ZNF549: variants seen among roughly 807,000 people sequenced by gnomAD.
ZNF549 encodes zinc finger protein 549.
ZNF549 carries 11 observed loss-of-function variants against 11.1 expected under a neutral mutation model. The observed-to-expected ratio is 0.99, with a 90% CI of 0.62 to 1.64. The LOEUF (loss-of-function observed/expected upper bound fraction) is 1.64, where lower values mean the gene tolerates loss of function less well. Ranked by LOEUF, ZNF549 falls within the 40% of genes most tolerant of loss-of-function variation. The probability of loss-of-function intolerance (pLI) is 0.00; values close to 1 mark genes in which losing one functional copy is unlikely to be tolerated. For synonymous variants in ZNF549, 266 were observed against 269.1 expected, an observed-to-expected ratio of 0.99 and a Z score of 0.11; for missense variants, 748 against 765.1, an observed-to-expected ratio of 0.98 and a Z score of 0.26.
In ZNF549 at chr19:57,537,700, TC is replaced by T; in HGVS notation, c.697del (p.His233MetfsTer24). On this transcript the variant is annotated frameshift_variant, in exon 4 of 4. Coordinates refer to ENST00000376233, the MANE Select transcript of ZNF549 (RefSeq NM_001199295.2). LOFTEE classifies it low-confidence loss of function (END_TRUNC). Reference sequence around the variant, plus strand: ...GTGAGCAAGTTTTCAATGAGAAAGTTCATGTTACTGAGCATCAGAGAGTCCA... The same window carrying T: ...GTGAGCAAGTTTTCAATGAGAAAGTTATGTTACTGAGCATCAGAGAGTCCA... ...KCEQVFNEKV[H>X]VTEHQRVHTG... 2 of 1,614,180 alleles carry T rather than the reference TC, an allele frequency of 1.2e-6. No individual in the cohort carries two copies. The highest frequency in any genetic ancestry group is 1.7e-6 in the Non-Finnish European group (2 of 1,180,028).
At chr19:57,532,318 CATA>C (rs1269927291) in intron 2 of ZNF549, among the ~76,000 whole-genome samples, 1 of 152,128 alleles carries the variant, frequency 6.6e-6, no homozygotes, top group Non-Finnish European at 1.5e-5. Flanking sequence ...CTCTGAGAAG[CATA>C]AAGGATTTAT....
chr19:57,527,684 C>A, intron 1 of ZNF549, 78 bp downstream of exon 1: 1 of 1,538,812 alleles, frequency 6.5e-7, no homozygotes, highest in South Asian at 1.2e-5. Flanking sequence ...CTCTGCAGTT[C>A]AGGCCTCTTC....
chr19:57,531,068 A>G lies in ZNF549; in HGVS notation c.34-2A>G, dbSNP rs752589310. The G allele has an allele frequency of 3.8e-6, 6 of 1,598,260 alleles. No individual in the cohort carries two copies. The African/African-American group carries it at 8.0e-5, about 21-fold the overall frequency. ...TATTTCATAGCCTCCCTCTTCCTAC[A>G]GATTCCCATGGTAACAGAAGAGTTT... On this transcript the variant is annotated splice_acceptor_variant, in intron 1 of 3. Transcript: ENST00000376233. LOFTEE classifies it high-confidence loss of function.
intron 1 of ZNF549, among the ~76,000 whole-genome samples, chr19:57,529,170 G>T (rs1315585414): frequency 2.0e-5 from 3 of 152,186 alleles, no homozygotes; most frequent in Non-Finnish European, 4.4e-5. Flanking sequence ...TGCTGTACAG[G>T]TTTGTAGCCT....
intron 1 of ZNF549, among the ~76,000 whole-genome samples, chr19:57,528,164 A>G (rs1484932666): frequency 2.0e-5 from 3 of 152,122 alleles, no homozygotes; most frequent in African/African-American, 7.2e-5. Context: ...TAGATCTTAA[A>G]GGTAAAGCCA....
chr19:57,537,403 G>A lies in ZNF549; in HGVS notation c.399G>A (p.Thr133=), dbSNP rs201724142. ...CACTTCCCTGGCAGAAACCTTATAC[G>A]TCTGTGGCCAGTGGGAAATGGTTTT... is the stretch of plus-strand genomic sequence containing the variant. ...QGTLPWQKPY[T]SVASGKWFSF... The change falls in exon 4 of 4, where the codon ACG becomes ACA. Residue 133 remains threonine, a synonymous_variant. Transcript: ENST00000376233. 3.7e-5 allele frequency: 59 copies of A among 1,614,182 alleles called. No homozygotes were observed. In the Middle Eastern group the frequency reaches 4.9e-4, roughly 14 times the overall value.
At chr19:57,533,878 G>A (rs1285176180) in intron 2 of ZNF549, among the ~76,000 whole-genome samples, 1 of 152,112 alleles carries the variant, frequency 6.6e-6, no homozygotes. Context: ...TTGCTATTGT[G>A]ATAGAGTGGC....
rs928734827 is a variant in ZNF549, at chr19:57,533,097, G to A, written c.72+1989G>A. ...TGACCTCAGGTGATCCACCCGCCTT[G>A]GCCTCCCAAAGTGCCTGTGATGTTT... On this transcript the variant is annotated intron_variant, in intron 2 of 3. Transcript: ENST00000376233. 3.9e-5 allele frequency among the ~76,000 whole-genome samples: 6 copies of A among 152,152 alleles called. No homozygotes were observed. The East Asian group carries it at 1.2e-3, about 29-fold the overall frequency.
In ZNF549 at chr19:57,538,829, G is replaced by T. The variant is rs752101123; in HGVS notation, c.1825G>T (p.Gly609Ter). 1 of 1,614,016 alleles carries T rather than the reference G, an allele frequency of 6.2e-7. No individual in the cohort carries two copies. Among genetic ancestry groups the T allele is most frequent in the African/African-American group, 1.3e-5 (1 of 75,026 alleles). The change falls in exon 4 of 4, where the codon GGA becomes TGA. Residue 609 changes from glycine (G) to a stop codon, truncating the protein, a stop_gained. Transcript: ENST00000376233. LOFTEE classifies it low-confidence loss of function (END_TRUNC). ...KLVEHQRIHTGEKPYECGKCG... is the reference protein window; with the variant it reads ...KLVEHQRIHT ...TGTTGAGCATCAGCGAATCCACACC[G>T]GAGAAAAGCCGTATGAATGTGGTAA... is the stretch of plus-strand genomic sequence containing the variant.
chr19:57,535,237 A>G lies in ZNF549; in HGVS notation c.166A>G (p.Met56Val). Residue 56 changes from methionine (M) to valine (V), a missense_variant, in exon 3 of 4, where the codon ATG (methionine) becomes GTG (valine). Transcript: ENST00000376233. Reference sequence around the variant, plus strand: ...TCAAAGGTGCCTGTATCATGATGTGATGCTGGAGAACTTTTCGCTTATGGC... The same window carrying G: ...TCAAAGGTGCCTGTATCATGATGTGGTGCTGGAGAACTTTTCGCTTATGGC... ...EAQRCLYHDV[M>V]LENFSLMASV... The G allele has an allele frequency of 6.2e-7, 1 of 1,613,872 alleles. No homozygotes were observed. The highest frequency in any genetic ancestry group is 8.5e-7 in the Non-Finnish European group (1 of 1,179,842).
intron 1 of ZNF549, among the ~76,000 whole-genome samples, chr19:57,529,219 A>T (rs556104732): frequency 1.3e-5 from 2 of 152,224 alleles, no homozygotes; most frequent in Non-Finnish European, 2.9e-5. Context: ...TTGAACAATG[A>T]ATGTCTGAAC....
At chr19:57,535,451 C>T (rs1351117417) in intron 3 of ZNF549, 181 bp downstream of exon 3, 1 of 796,854 alleles carries the variant, frequency 1.3e-6, no homozygotes, top group Non-Finnish European at 1.9e-6. Flanking sequence ...CCAACATCTA[C>T]TGTCCTGAAG....
rs753421481 is a variant in ZNF549 at position 57,538,130 on chromosome 19, C to T, written c.1126C>T (p.Arg376Cys). 4.9e-5 allele frequency: 79 copies of T among 1,613,918 alleles called. No individual in the cohort carries two copies. Among genetic ancestry groups the T allele is most frequent in the Middle Eastern group, 1.6e-4 (1 of 6,082 alleles). ...GAAATCTTTTATTCATTCCTATGAC[C>T]GCATTCGACACCAGAGAGTTCACAC... ...CGKSFIHSYDRIRHQRVHTGE... is the reference protein window; with the variant it reads ...CGKSFIHSYDCIRHQRVHTGE... Residue 376 changes from arginine (R) to cysteine (C), a missense_variant, in exon 4 of 4, where the codon CGC (arginine) becomes TGC (cysteine). By Grantham distance (180) the Arg-to-Cys change is radical. Transcript: ENST00000376233.
Position 57,537,622 on chromosome 19 carries a change from A to G in ZNF549, c.618A>G (p.Arg206=). The G allele has an allele frequency of 6.2e-7, 1 of 1,614,256 alleles. No individual in the cohort carries two copies. Among genetic ancestry groups the G allele is most frequent in the Non-Finnish European group, 8.5e-7 (1 of 1,180,044 alleles). Residue 206 remains arginine, a synonymous_variant, in exon 4 of 4, where the codon AGA becomes AGG. Coordinates refer to ENST00000376233, the MANE Select transcript of ZNF549 (RefSeq NM_001199295.2). ...TCCAACACCAGACCACCCACAGCAG[A>G]CAAGAGTATGCACATAGAAGCAGGG... ...GLLQHQTTHS[R]QEYAHRSRET...
chr19:57,535,362 T>C, intron 3 of ZNF549, 92 bp downstream of exon 3: 2 of 1,494,978 alleles, frequency 1.3e-6, no homozygotes, highest in South Asian at 1.4e-5. Flanking sequence ...GAGTTGGACA[T>C]GGGCCCTTCT....
At position 57,527,581 on chromosome 19, in the gene ZNF549, A is replaced by T; in HGVS notation, c.8A>T (p.Glu3Val). 6.2e-7 allele frequency: 1 copy of T among 1,613,740 alleles called. No homozygotes were observed. ...CGCCCCGCCTAAAGTCCCATGGCCGAGGCAGCGCTAGTGATTACGCCGCAG... is the reference window on the plus strand; with the variant it reads ...CGCCCCGCCTAAAGTCCCATGGCCGTGGCAGCGCTAGTGATTACGCCGCAG... MA[E>V]AALVITPQIP... The change falls in exon 1 of 4, where the codon GAG (glutamate) becomes GTG (valine). Residue 3 changes from glutamate to valine, a missense_variant. By Grantham distance (121) the Glu-to-Val change is moderately radical (BLOSUM62 -2). Transcript: ENST00000376233.
chr19:57,537,422 T>G lies in ZNF549; in HGVS notation c.418T>G (p.Trp140Gly), dbSNP rs916078523. 2 of 1,614,172 alleles carry G rather than the reference T, an allele frequency of 1.2e-6. No homozygotes were observed. The highest frequency in any genetic ancestry group is 3.3e-5 in the Admixed American group (2 of 60,012). The stretch of plus-strand genomic sequence containing the variant: ...TTATACGTCTGTGGCCAGTGGGAAA[T>G]GGTTTTCATTTGGTTCTAACCTGCA... ...KPYTSVASGK[W>G]FSFGSNLQQH... is the part of the protein sequence containing the mutation. Residue 140 changes from tryptophan to glycine, a missense_variant, in exon 4 of 4, where the codon TGG becomes GGG. Trp to Gly is a radical substitution (Grantham distance 184). Coordinates refer to ENST00000376233, the MANE Select transcript of ZNF549 (RefSeq NM_001199295.2).
chr19:57,531,664 A>C (rs1241999464), intron 2 of ZNF549, among the ~76,000 whole-genome samples: 1 of 152,238 alleles, frequency 6.6e-6, no homozygotes, highest in African/African-American at 2.4e-5. Context: ...TTACTTGAAC[A>C]CAAGCACTGT....
rs796218690 is a variant in ZNF549, at chr19:57,531,066, A to G, written c.34-4A>G. 1.3e-6 allele frequency: 2 copies of G among 1,598,262 alleles called. No homozygotes were observed. ...TGTATTTCATAGCCTCCCTCTTCCT[A>G]CAGATTCCCATGGTAACAGAAGAGT... On this transcript the variant is annotated splice_region_variant and splice_polypyrimidine_tract_variant and intron_variant, in intron 1 of 3. Transcript: ENST00000376233.
Sources: allele counts gnomAD v4.1 joint callset (sites outside exome capture counted in the v4.1 genomes callset), GRCh38; gene constraint gnomAD v4.1.1; transcripts MANE v1.5; gene names NCBI Gene and HGNC (gene_info 2026-07-23, HGNC 2026-07-21).